MARCHF3: variants seen among roughly 807,000 people sequenced by gnomAD.
MARCHF3 encodes E3 ubiquitin-protein ligase MARCHF3.
A neutral mutation model predicts 24.2 loss-of-function variants in MARCHF3; 13 were observed. The ratio of observed to expected loss-of-function variants is 0.54; its 90% CI spans 0.35 to 0.85. The LOEUF (loss-of-function observed/expected upper bound fraction) is 0.85, where lower values mean the gene tolerates loss of function less well. Among genes scored for constraint, MARCHF3 ranks in the 40% least tolerant of loss-of-function variants. The pLI, the probability that MARCHF3 is intolerant of heterozygous loss-of-function variation, is 0.01. For synonymous variants in MARCHF3, 144 were observed against 137.3 expected (o/e 1.05, Z -0.34); for missense variants, 276 against 325.0 (o/e 0.85, Z 1.16).
At chr5:126,972,906 A>G (rs1378982019) in intron 1 of MARCHF3, among the ~76,000 whole-genome samples, 5 of 152,244 alleles carry the variant, frequency 3.3e-5, no homozygotes, top group Non-Finnish European at 5.9e-5. Context: ...GGCATAATTT[A>G]TATACCACAT....
intron 3 of MARCHF3, chr5:126,914,634 A>G (rs1754653243): frequency 4.1e-6 from 2 of 491,364 alleles, no homozygotes; most frequent in Non-Finnish European, 7.3e-6. Context: ...GGATTGAAAA[A>G]TGGAGATCAA....
intron 1 of MARCHF3, among the ~76,000 whole-genome samples, chr5:126,945,050 T>C (rs1463868199): frequency 6.6e-6 from 1 of 152,136 alleles, no homozygotes; most frequent in Non-Finnish European, 1.5e-5. Context: ...GCTGAGGAGA[T>C]ACACAATGGT....
intron 1 of MARCHF3, among the ~76,000 whole-genome samples, chr5:126,921,395 C>T (rs1424418146): frequency 6.6e-6 from 1 of 152,106 alleles, no homozygotes; most frequent in Non-Finnish European, 1.5e-5. Flanking sequence ...AGCCCAGAGG[C>T]CTAGATGCAG....
rs201721153 is a variant in MARCHF3, at chr5:127,000,159, A to G, written c.-57+30191T>C. 3.3e-5 allele frequency among the ~76,000 whole-genome samples: 5 copies of G among 151,954 alleles called. No homozygotes were observed. The East Asian group carries it at 9.6e-4, about 29-fold the overall frequency. On this transcript the variant is annotated intron_variant, in intron 1 of 4. Coordinates refer to ENST00000308660, the MANE Select transcript of MARCHF3 (RefSeq NM_178450.5). ...ATCATTTAACCAACCTTCGTTTGCT[A>G]TCTCTAGCCCCCTCCCTTTTAGCAT...
At chr5:126,958,042 A>G (rs1031380723) in intron 1 of MARCHF3, among the ~76,000 whole-genome samples, 1 of 152,144 alleles carries the variant, frequency 6.6e-6, no homozygotes, top group East Asian at 1.9e-4. Context: ...CTTATTGCCC[A>G]TACACGGGAA....
chr5:126,910,322 T>C (rs186125105), intron 3 of MARCHF3, among the ~76,000 whole-genome samples: 12 of 152,366 alleles, frequency 7.9e-5, no homozygotes, highest in Non-Finnish European at 1.3e-4. Context: ...ACAAGCATGC[T>C]ATTTGCTTGT....
intron 3 of MARCHF3, among the ~76,000 whole-genome samples, chr5:126,896,285 G>T (rs1428270279): frequency 1.3e-5 from 2 of 152,130 alleles, no homozygotes; most frequent in Non-Finnish European, 2.9e-5. Flanking sequence ...CACTCAGGCT[G>T]GGAGCTGTAG....
chr5:126,975,605 C>A (rs768874855), intron 1 of MARCHF3, among the ~76,000 whole-genome samples: 8 of 152,134 alleles, frequency 5.3e-5, no homozygotes, highest in Non-Finnish European at 8.8e-5. Flanking sequence ...TGCCAGATGC[C>A]CTGGGAAGAT....
chr5:126,922,512 T>TA (rs138769891), intron 1 of MARCHF3, among the ~76,000 whole-genome samples: 50 of 142,876 alleles, frequency 3.5e-4, no homozygotes, highest in Non-Finnish European at 5.5e-4. Context: ...CATTTCTGTC[T>TA]TTTATTTATT....
rs192241782 is a variant in MARCHF3, at chr5:126,872,183, G to A, written c.604-1392C>T. Among the ~76,000 whole-genome samples the A allele has an allele frequency of 9.6e-3, 1,414 of 146,844 alleles. 15 individuals carry two copies. The highest frequency in any genetic ancestry group is 0.034 in the African/African-American group (1,346 of 39,692). ...CAACCTCTGTCTCCCAGGTTCAAGC[G>A]ATTCACCTGCCTCAGCCTCCCGAGT... On this transcript the variant is annotated intron_variant, in intron 4 of 4. Transcript: ENST00000308660.
intron 1 of MARCHF3, among the ~76,000 whole-genome samples, chr5:126,979,758 G>C (rs1283110110): frequency 6.6e-6 from 1 of 152,058 alleles, no homozygotes. Context: ...AGACCAGCCT[G>C]ACCAACATGG....
At chr5:126,919,920 G>A (rs1356144680) in intron 1 of MARCHF3, among the ~76,000 whole-genome samples, 2 of 152,184 alleles carry the variant, frequency 1.3e-5, no homozygotes, top group Non-Finnish European at 2.9e-5. Context: ...TGATGTGGGG[G>A]CACAGGCAGA....
At chr5:126,981,399 A>G (rs919166352) in intron 1 of MARCHF3, among the ~76,000 whole-genome samples, 7 of 152,204 alleles carry the variant, frequency 4.6e-5, no homozygotes, top group African/African-American at 1.2e-4. Context: ...TTTTTGGACC[A>G]CACAACCTCA....
intron 4 of MARCHF3, among the ~76,000 whole-genome samples, chr5:126,876,220 T>C (rs376044490): frequency 1.3e-5 from 2 of 152,250 alleles, no homozygotes; most frequent in African/African-American, 2.4e-5. Flanking sequence ...GTTAGATAAG[T>C]GTATGCTTTA....
chr5:126,914,771 C>CACACACACAT lies in MARCHF3; in HGVS notation c.393+158_393+159insATGTGTGTGT, dbSNP rs1334590822. 15 of 585,408 alleles carry CACACACACAT rather than the reference C, an allele frequency of 2.6e-5. No homozygotes were observed. The East Asian group carries it at 2.6e-4, about 10-fold the overall frequency. The allele number at this position is 585,408 out of a possible 1,614,324, so 36.3% of individuals were successfully genotyped here. On this transcript the variant is annotated intron_variant, in intron 3 of 4. Transcript: ENST00000308660. ...TGTCTACATCTCTCTTTCTCAAACA[C>CACACACACAT]ACACACACACACACACACACACACA...
intron 3 of MARCHF3, among the ~76,000 whole-genome samples, chr5:126,912,634 T>C (rs1201054020): frequency 1.3e-5 from 2 of 152,198 alleles, no homozygotes; most frequent in African/African-American, 4.8e-5. Context: ...AGATGCTCAC[T>C]AGGAATAAAC....
chr5:126,964,692 T>C (rs1460675105), intron 1 of MARCHF3, among the ~76,000 whole-genome samples: 1 of 152,202 alleles, frequency 6.6e-6, no homozygotes, highest in Non-Finnish European at 1.5e-5. Context: ...TGCAGATACA[T>C]CTTAATCTCT....
intron 1 of MARCHF3, among the ~76,000 whole-genome samples, chr5:126,925,983 G>A (rs1483183603): frequency 6.6e-6 from 1 of 152,174 alleles, no homozygotes; most frequent in Non-Finnish European, 1.5e-5. Flanking sequence ...CACAATGAAA[G>A]CTAAATGTGT....
At chr5:126,872,182 C>A in intron 4 of MARCHF3, among the ~76,000 whole-genome samples, 1 of 145,956 alleles carries the variant, frequency 6.9e-6, no homozygotes, top group African/African-American at 2.5e-5. Context: ...CAGGTTCAAG[C>A]GATTCACCTG....
Sources: allele counts gnomAD v4.1 joint callset (sites outside exome capture counted in the v4.1 genomes callset), GRCh38; gene constraint gnomAD v4.1.1; transcripts MANE v1.5; gene names NCBI Gene and HGNC (gene_info 2026-07-23, HGNC 2026-07-21).